The following LPCAT3 variants were observed in gnomAD, a reference collection of about 807,000 sequenced individuals.
The protein encoded by LPCAT3 is lysophosphatidylcholine acyltransferase 3, also known as lysophospholipid acyltransferase 5.
A neutral mutation model predicts 63.4 loss-of-function variants in LPCAT3; 21 were observed. That is an observed-to-expected ratio of 0.33 (90% CI 0.23 to 0.48). The LOEUF is 0.48. LPCAT3 is among the 20% of genes least tolerant of loss of function. LPCAT3 has a pLI of 0.99. For synonymous variants in LPCAT3, 242 were observed against 227.5 expected (o/e 1.06, Z -0.58); for missense variants, 451 against 590.6 (o/e 0.76, Z 2.45).
chr12:6,981,071 A>G lies in LPCAT3; in HGVS notation c.610T>C (p.Ser204Pro). Reference protein sequence around the residue: ...YGAFLVGPQFSMNHYMKLVQG... With the variant: ...YGAFLVGPQFPMNHYMKLVQG... ...ACCAGCTTCATGTAGTGATTCATTG[A>G]GAACTGGGGCCCTACCAAGAAGGCC... The change falls in exon 6 of 13, where the codon TCA (serine) becomes CCA (proline). Residue 204 changes from serine (S) to proline (P), a missense_variant. By Grantham distance (74) the Ser-to-Pro change is moderately conservative (BLOSUM62 -1). Coordinates refer to ENST00000261407, the MANE Select transcript of LPCAT3 (RefSeq NM_005768.6). The G allele has an allele frequency of 6.2e-7, 1 of 1,613,506 alleles. No homozygotes were observed. The highest frequency in any genetic ancestry group is 8.5e-7 in the Non-Finnish European group (1 of 1,179,772).
At chr12:6,979,077 C>A in intron 7 of LPCAT3, 1 of 295,504 alleles carries the variant, frequency 3.4e-6, no homozygotes, top group East Asian at 7.2e-5. Flanking sequence ...TGGGCAGGAG[C>A]AAAAGCCAGC....
intron 1 of LPCAT3, among the ~76,000 whole-genome samples, chr12:7,015,221 C>T (rs1163905862): frequency 6.6e-6 from 1 of 152,234 alleles, no homozygotes; most frequent in Non-Finnish European, 1.5e-5. Context: ...CTGATTAAAA[C>T]GTACACTTGA....
intron 1 of LPCAT3, among the ~76,000 whole-genome samples, chr12:7,016,351 A>G (rs1438392017): frequency 2.0e-5 from 3 of 150,344 alleles, no homozygotes; most frequent in African/African-American, 7.4e-5. Context: ...AACTTGGCTC[A>G]CTACAACCTT....
chr12:7,005,513 A>G (rs1946720100), intron 1 of LPCAT3, among the ~76,000 whole-genome samples: 1 of 152,210 alleles, frequency 6.6e-6, no homozygotes, highest in Non-Finnish European at 1.5e-5. Context: ...GAACTGACAA[A>G]CTATTTTCCA....
intron 3 of LPCAT3, among the ~76,000 whole-genome samples, chr12:6,982,440 G>C (rs920311352): frequency 6.6e-6 from 1 of 152,240 alleles, no homozygotes; most frequent in Non-Finnish European, 1.5e-5. Context: ...TAATGGCACA[G>C]TATGCAAAGG....
chr12:6,983,007 C>T (rs1025813186), intron 2 of LPCAT3: 4 of 602,920 alleles, frequency 6.6e-6, no homozygotes, highest in Non-Finnish European at 1.2e-5. Flanking sequence ...TTTAGAGATG[C>T]GACTTGCTCT....
chr12:7,003,245 G>T (rs893423226), intron 1 of LPCAT3, among the ~76,000 whole-genome samples: 1 of 151,856 alleles, frequency 6.6e-6, no homozygotes, highest in South Asian at 2.1e-4. Context: ...CTTAAAACAA[G>T]ATTTTAAGTG....
chr12:6,977,366 C>G lies in LPCAT3; in HGVS notation c.1347+1G>C. On this transcript the variant is annotated splice_donor_variant, in intron 11 of 12. Transcript: ENST00000261407. LOFTEE classifies it high-confidence loss of function. The surrounding 1 kb of genome is among the most constrained non-coding windows in gnomAD (Gnocchi z 4.5). ...AGTCTCACAAGCAGGCCTTCACTTG[C>G]CTTAAGCCATTTGTCCCACGTGAAG... 1 of 1,614,186 alleles carries G rather than the reference C, an allele frequency of 6.2e-7. No individual in the cohort carries two copies. The highest frequency in any genetic ancestry group is 8.5e-7 in the Non-Finnish European group (1 of 1,180,032).
In LPCAT3 at chr12:6,987,373, C is replaced by G. The variant is rs1428251335; in HGVS notation, c.152-3834G>C. Among the ~76,000 whole-genome samples the G allele has an allele frequency of 6.6e-6, 1 of 152,188 alleles. No individual in the cohort carries two copies. The highest frequency in any genetic ancestry group is 1.5e-5 in the Non-Finnish European group (1 of 68,046). On this transcript the variant is annotated intron_variant, in intron 1 of 12. Transcript: ENST00000261407. This position sits in a 1 kb window ranked among gnomAD's most constrained non-coding sequence, Gnocchi z 4.1. Reference sequence around the variant, plus strand: ...GCTGAGATGATGGGATATAGGATCACTAGCTCTAGGGAGGTGGAGACATCT... The same window carrying G: ...GCTGAGATGATGGGATATAGGATCAGTAGCTCTAGGGAGGTGGAGACATCT...
At chr12:6,996,896 A>C (rs1302038244) in intron 1 of LPCAT3, among the ~76,000 whole-genome samples, 2 of 152,194 alleles carry the variant, frequency 1.3e-5, no homozygotes, top group African/African-American at 4.8e-5. Flanking sequence ...AGCGGTAGGA[A>C]GGAGCATGGG....
chr12:7,014,837 G>A (rs1327224208), intron 1 of LPCAT3, among the ~76,000 whole-genome samples: 1 of 146,316 alleles, frequency 6.8e-6, no homozygotes, highest in African/African-American at 2.6e-5. Flanking sequence ...AGGTTGCAAT[G>A]AGCCGACATC....
chr12:6,992,875 A>G (rs1290301909), intron 1 of LPCAT3, among the ~76,000 whole-genome samples: 1 of 152,228 alleles, frequency 6.6e-6, no homozygotes, highest in Non-Finnish European at 1.5e-5. Flanking sequence ...CATGTAACCT[A>G]TGCACATCTT....
At chr12:7,003,686 G>C (rs782541920) in intron 1 of LPCAT3, among the ~76,000 whole-genome samples, 6 of 152,074 alleles carry the variant, frequency 3.9e-5, no homozygotes, top group Admixed American at 2.6e-4. Context: ...ACTTTGGGAG[G>C]CCGAGGCGGG....
intron 1 of LPCAT3, among the ~76,000 whole-genome samples, chr12:7,015,648 GT>G (rs1388831646): frequency 6.6e-6 from 1 of 152,184 alleles, no homozygotes; most frequent in Non-Finnish European, 1.5e-5. Flanking sequence ...GAAGCCCCAA[GT>G]TGATCTAAAA....
chr12:7,003,476 T>C (rs1211863186), intron 1 of LPCAT3, among the ~76,000 whole-genome samples: 1 of 152,208 alleles, frequency 6.6e-6, no homozygotes, highest in Non-Finnish European at 1.5e-5. Flanking sequence ...TTATTTATTT[T>C]ATTTTAGTAG....
chr12:7,013,943 A>T (rs1385703698), intron 1 of LPCAT3, among the ~76,000 whole-genome samples: 1 of 139,314 alleles, frequency 7.2e-6, no homozygotes, highest in East Asian at 2.0e-4. Flanking sequence ...TTTAACCTAC[A>T]GTTCCAGCCT....
chr12:6,976,272 A>AC lies in LPCAT3; in HGVS notation c.*631dup, dbSNP rs782564197. On this transcript the variant is annotated 3_prime_UTR_variant, in exon 13 of 13. Coordinates refer to ENST00000261407, the MANE Select transcript of LPCAT3 (RefSeq NM_005768.6). The stretch of plus-strand genomic sequence containing the variant: ...CAGGCAGGGCCTTGCACCCCTCTCC[A>AC]CCCCCCCATGGGGGGGGTGGTGGTA... The AC allele has an allele frequency of 1.3e-5, 2 of 152,150 alleles. No homozygotes were observed. The highest frequency in any genetic ancestry group is 1.9e-4 in the East Asian group (1 of 5,152). 9.4% of individuals were successfully genotyped at this position (152,150 alleles called of 1,614,324 possible).
At chr12:7,001,436 TCTG>T (rs1194250280) in intron 1 of LPCAT3, 4 of 455,890 alleles carry the variant, frequency 8.8e-6, no homozygotes, top group Non-Finnish European at 1.8e-5. Flanking sequence ...GCCTGAAAAT[TCTG>T]CTGCTACTGC....
chr12:6,984,307 G>T (rs1173755879), intron 1 of LPCAT3, among the ~76,000 whole-genome samples: 1 of 152,246 alleles, frequency 6.6e-6, no homozygotes, highest in African/African-American at 2.4e-5. Flanking sequence ...GTCATGAACT[G>T]ATTATACATG....
Sources: allele counts gnomAD v4.1 joint callset (sites outside exome capture counted in the v4.1 genomes callset), GRCh38; gene constraint gnomAD v4.1.1; non-coding constraint Gnocchi (gnomAD v3.1); transcripts MANE v1.5; gene names NCBI Gene and HGNC (gene_info 2026-07-23, HGNC 2026-07-21).